The following CHLSN variants were observed in gnomAD, a reference collection of about 807,000 sequenced individuals.
CHLSN encodes the protein cholesin, also known as protein cholesin.
At chr7:1,016,390 C>G in the CHLSN span, among the ~76,000 whole-genome samples, 2 of 75,416 alleles carry the variant, frequency 2.7e-5, no homozygotes, top group Non-Finnish European at 5.0e-5. Context: ...CAGCAGCACA[C>G]GCCAGCACAC....
the CHLSN span, among the ~76,000 whole-genome samples, chr7:1,059,692 C>T: frequency 1.5e-4 from 1 of 6,806 alleles, no homozygotes; most frequent in Non-Finnish European, 2.9e-4. Context: ...CGTAGTGGGG[C>T]GGGTCTGTAG....
chr7:1,015,093 C>T, the CHLSN span, among the ~76,000 whole-genome samples: 1 of 152,244 alleles, frequency 6.6e-6, no homozygotes, highest in East Asian at 1.9e-4. Context: ...GTGACCCCTG[C>T]CCAGTCTCTC....
the CHLSN span, among the ~76,000 whole-genome samples, chr7:1,044,226 G>A: frequency 1.3e-5 from 2 of 152,210 alleles, no homozygotes; most frequent in Non-Finnish European, 2.9e-5. Flanking sequence ...GCAGATTAGG[G>A]TATATTCTGA....
chr7:1,038,899 G>T, the CHLSN span, among the ~76,000 whole-genome samples: 1 of 65,396 alleles, frequency 1.5e-5, no homozygotes, highest in Admixed American at 1.4e-4. Context: ...TCAGCCCTCC[G>T]CCCGGCCAGC....
chr7:1,099,613 G>A, the CHLSN span, among the ~76,000 whole-genome samples: 1 of 152,118 alleles, frequency 6.6e-6, no homozygotes, highest in Non-Finnish European at 1.5e-5. Flanking sequence ...GAGGAAAAGA[G>A]CGTTAGTCAA....
the CHLSN span, chr7:1,028,618 C>A: frequency 2.0e-6 from 2 of 981,422 alleles, no homozygotes; most frequent in African/African-American, 3.5e-5. Context: ...CGCAGGGCCC[C>A]TGCCAGCTGC....
the CHLSN span, among the ~76,000 whole-genome samples, chr7:1,030,207 C>T: frequency 2.4e-4 from 36 of 152,244 alleles, no homozygotes; most frequent in African/African-American, 7.9e-4. Context: ...CCTGTCTTCC[C>T]GAACGCAACG....
chr7:1,013,888 T>G, the CHLSN span, among the ~76,000 whole-genome samples: 1 of 152,252 alleles, frequency 6.6e-6, no homozygotes, highest in Non-Finnish European at 1.5e-5. Context: ...TTCTGTCTCC[T>G]GCGGTTAGAT....
At chr7:1,096,258 G>A in the CHLSN span, among the ~76,000 whole-genome samples, 2 of 152,192 alleles carry the variant, frequency 1.3e-5, no homozygotes, top group Non-Finnish European at 2.9e-5. This position sits in a 1 kb window ranked among gnomAD's most constrained non-coding sequence, Gnocchi z 4.6. Context: ...CCATCTAGCC[G>A]CCGGAAGCAG....
chr7:1,017,822 C>G, the CHLSN span, among the ~76,000 whole-genome samples: 1 of 152,238 alleles, frequency 6.6e-6, no homozygotes, highest in African/African-American at 2.4e-5. Context: ...GCACACAAGG[C>G]CAGGCGCTCT....
At chr7:1,072,449 A>C in the CHLSN span, among the ~76,000 whole-genome samples, 1 of 152,228 alleles carries the variant, frequency 6.6e-6, no homozygotes, top group South Asian at 2.1e-4. Context: ...AATGGGGTCC[A>C]GTCAAGGAAG....
At chr7:1,016,807 ACACAC>A in the CHLSN span, among the ~76,000 whole-genome samples, 2 of 68,416 alleles carry the variant, frequency 2.9e-5, no homozygotes, top group Non-Finnish European at 5.1e-5. Flanking sequence ...ACACAGCAGC[ACACAC>A]CAGCGCACAG....
At chr7:983,997 G>T in the CHLSN span, among the ~76,000 whole-genome samples, 1 of 152,192 alleles carries the variant, frequency 6.6e-6, no homozygotes, top group Non-Finnish European at 1.5e-5. Flanking sequence ...GCGGGCTGGG[G>T]TGCTGCTGGC....
the CHLSN span, among the ~76,000 whole-genome samples, chr7:1,029,749 G>A: frequency 1.3e-5 from 2 of 152,226 alleles, no homozygotes; most frequent in Non-Finnish European, 1.5e-5. Context: ...CTGGGGAGAT[G>A]GTGTGGGCAC....
chr7:1,054,127 C>T, the CHLSN span, among the ~76,000 whole-genome samples: 1 of 152,354 alleles, frequency 6.6e-6, no homozygotes, highest in Middle Eastern at 3.4e-3. Context: ...CCAGAGCCCA[C>T]GGAGCAGCCC....
the CHLSN span, among the ~76,000 whole-genome samples, chr7:1,047,569 T>C: frequency 3.9e-5 from 6 of 152,368 alleles, no homozygotes; most frequent in Admixed American, 6.5e-5. Context: ...CTGGGTTCAT[T>C]ACTACAAAAG....
At chr7:1,085,865 G>A in the CHLSN span, among the ~76,000 whole-genome samples, 1 of 151,832 alleles carries the variant, frequency 6.6e-6, no homozygotes, top group Non-Finnish European at 1.5e-5. Context: ...ATCGGCAAAA[G>A]GTCTCTATGC....
chr7:1,009,886 A>G, the CHLSN span: 1 of 1,380,036 alleles, frequency 7.2e-7, no homozygotes, highest in Non-Finnish European at 9.6e-7. Flanking sequence ...GAAGGCTTCG[A>G]CCCCCTCAGG....
the CHLSN span, chr7:986,855 G>C: frequency 6.9e-7 from 1 of 1,444,226 alleles, no homozygotes; most frequent in Non-Finnish European, 9.1e-7. Context: ...GGACACCCCA[G>C]GGGAGCACGG....
Sources: allele counts gnomAD v4.1 joint callset (sites outside exome capture counted in the v4.1 genomes callset), GRCh38; gene constraint gnomAD v4.1.1; non-coding constraint Gnocchi (gnomAD v3.1); transcripts MANE v1.5; gene names NCBI Gene and HGNC (gene_info 2026-07-23, HGNC 2026-07-21).